Variants in KAT6A observed in about 807,000 individuals in gnomAD.
KAT6A encodes the protein histone acetyltransferase KAT6A.
In KAT6A, 9 loss-of-function variants were observed where a neutral mutation model predicts 198.4. That is an observed-to-expected ratio of 0.05 (90% CI 0.03 to 0.08). The LOEUF (loss-of-function observed/expected upper bound fraction) is 0.08. KAT6A is among the 10% of genes least tolerant of loss of function. KAT6A has a pLI of 1.00. For synonymous variants in KAT6A, 890 were observed against 883.0 expected (o/e 1.01, Z -0.14); for missense variants, 2,077 against 2,509.9 (o/e 0.83, Z 3.69).
chr8:42,050,817 T>C (rs1802578198), intron 1 of KAT6A, among the ~76,000 whole-genome samples: 1 of 152,168 alleles, frequency 6.6e-6, no homozygotes, highest in Non-Finnish European at 1.5e-5. Flanking sequence ...AGTCACTCAT[T>C]GTCTTTCCAG....
In KAT6A at chr8:42,026,077, T is replaced by C. The variant is rs576078952; in HGVS notation, c.600+22301A>G. Among the ~76,000 whole-genome samples the C allele has an allele frequency of 3.3e-4, 51 of 152,322 alleles. No individual in the cohort carries two copies. The South Asian group carries it at 8.5e-3, about 25-fold the overall frequency. On this transcript the variant is annotated intron_variant, in intron 2 of 16. Coordinates refer to ENST00000265713, the MANE Select transcript of KAT6A (RefSeq NM_006766.5). ...GCTCTTGGCACCTTTACTGAAACAG[T>C]TGGCTGTAAATACATGGATTTATTT...
chr8:41,989,249 T>A (rs1385046866), intron 2 of KAT6A, among the ~76,000 whole-genome samples: 2 of 152,048 alleles, frequency 1.3e-5, no homozygotes, highest in African/African-American at 4.8e-5. Flanking sequence ...TGGCTCACGC[T>A]TGTAATCCCA....
intron 6 of KAT6A, 124 bp downstream of exon 6, chr8:41,978,515 CATT>C: frequency 1.1e-6 from 1 of 899,706 alleles, no homozygotes; most frequent in Non-Finnish European, 1.7e-6. Flanking sequence ...AAGTGTTAGC[CATT>C]ATTATTATAT....
chr8:41,953,522 A>T (rs1822770604), intron 9 of KAT6A, among the ~76,000 whole-genome samples: 1 of 152,160 alleles, frequency 6.6e-6, no homozygotes, highest in African/African-American at 2.4e-5. Context: ...TGCCCAGGCG[A>T]GAGTGCAATG....
intron 7 of KAT6A, among the ~76,000 whole-genome samples, chr8:41,975,786 C>T (rs1824022771): frequency 6.6e-6 from 1 of 152,182 alleles, no homozygotes; most frequent in African/African-American, 2.4e-5. Context: ...TATTGGTTCT[C>T]CATATACTTG....
intron 8 of KAT6A, among the ~76,000 whole-genome samples, chr8:41,968,549 CT>C (rs1032070145): frequency 1.3e-5 from 2 of 152,178 alleles, no homozygotes; most frequent in African/African-American, 4.8e-5. Flanking sequence ...AGTTCAACCA[CT>C]GTGGAAGTCA....
At chr8:41,986,231 G>A (rs765164568) in intron 3 of KAT6A, among the ~76,000 whole-genome samples, 19 of 152,170 alleles carry the variant, frequency 1.2e-4, no homozygotes, top group South Asian at 2.1e-4. Context: ...AAGCCACTGC[G>A]CCTGGCCGAT....
intron 7 of KAT6A, 34 bp from the exon 8 acceptor site, chr8:41,974,856 T>C (rs1457108258): frequency 1.5e-6 from 2 of 1,331,042 alleles, no homozygotes; most frequent in African/African-American, 1.5e-5. Context: ...ATGTTAACTG[T>C]CCCCAGATTA....
In KAT6A at chr8:41,931,936, T is replaced by G. The variant is rs1442423869; in HGVS notation, c.*269A>C. On this transcript the variant is annotated 3_prime_UTR_variant, in exon 17 of 17. Transcript: ENST00000265713. ...GCTCTTTTTAATTATGAAAAGATTTTGTGCATGTTTCCCCATCCCCAAATC... is the reference window on the plus strand; with the variant it reads ...GCTCTTTTTAATTATGAAAAGATTTGGTGCATGTTTCCCCATCCCCAAATC... 2 of 304,646 alleles carry G rather than the reference T, an allele frequency of 6.6e-6. No homozygotes were observed. Among genetic ancestry groups the G allele is most frequent in the African/African-American group, 4.2e-5 (2 of 47,136 alleles). The allele number at this position is 304,646 out of a possible 1,614,324, so 18.9% of individuals were successfully genotyped here.
intron 2 of KAT6A, among the ~76,000 whole-genome samples, chr8:41,988,219 T>C (rs1050777605): frequency 2.6e-5 from 4 of 152,098 alleles, no homozygotes; most frequent in African/African-American, 4.8e-5. Context: ...GTAGTATAAG[T>C]AGCATAGACT....
chr8:41,972,345 A>T (rs981262562), intron 8 of KAT6A, among the ~76,000 whole-genome samples: 2 of 152,362 alleles, frequency 1.3e-5, no homozygotes, highest in African/African-American at 4.8e-5. Flanking sequence ...GGTAGATAAA[A>T]GTTTGATGAA....
At chr8:41,948,363 A>T (rs562382010) in intron 10 of KAT6A, among the ~76,000 whole-genome samples, 1 of 152,336 alleles carries the variant, frequency 6.6e-6, no homozygotes, top group African/African-American at 2.4e-5. Flanking sequence ...CAATCTGACT[A>T]CCATGATCGG....
At chr8:41,951,936 T>C (rs952644845) in intron 9 of KAT6A, among the ~76,000 whole-genome samples, 3 of 152,232 alleles carry the variant, frequency 2.0e-5, no homozygotes, top group East Asian at 1.9e-4. Flanking sequence ...TTAATGGTTA[T>C]GGCTATGCAG....
intron 6 of KAT6A, among the ~76,000 whole-genome samples, chr8:41,978,013 A>G (rs1824148733): frequency 6.6e-6 from 1 of 152,214 alleles, no homozygotes; most frequent in South Asian, 2.1e-4. Context: ...TACTACAGAC[A>G]TTTTTAAAAA....
At chr8:41,968,931 A>C (rs1823643216) in intron 8 of KAT6A, among the ~76,000 whole-genome samples, 1 of 152,146 alleles carries the variant, frequency 6.6e-6, no homozygotes. Context: ...AAAACCAATA[A>C]GTGGCTGACT....
At chr8:41,950,078 A>C (rs996743246) in intron 9 of KAT6A, among the ~76,000 whole-genome samples, 1 of 152,132 alleles carries the variant, frequency 6.6e-6, no homozygotes, top group African/African-American at 2.4e-5. Context: ...TATTAGTACA[A>C]CCCTTCCAAA....
At position 42,048,706 on chromosome 8, in the gene KAT6A, A is replaced by G; in HGVS notation, c.272T>C (p.Leu91Ser). ...ALPKPRNHGK[L>S]DNKQNVDWNK... The stretch of plus-strand genomic sequence containing the variant: ...CCAATCCACATTTTGTTTATTATCC[A>G]ATTTTCCATGGTTCCGAGGCTTAGG... Residue 91 changes from leucine (L) to serine (S), a missense_variant, in exon 2 of 17, where the codon TTG becomes TCG. By Grantham distance (145) the Leu-to-Ser change is moderately radical. This residue lies in a region of KAT6A where 185 missense variants were observed against 185.7 expected (regional missense o/e 1.00). Coordinates refer to ENST00000265713, the MANE Select transcript of KAT6A (RefSeq NM_006766.5). 1 of 1,614,062 alleles carries G rather than the reference A, an allele frequency of 6.2e-7. No homozygotes were observed. The highest frequency in any genetic ancestry group is 8.5e-7 in the Non-Finnish European group (1 of 1,179,982).
chr8:41,967,230 G>C (rs1288338112), intron 8 of KAT6A, among the ~76,000 whole-genome samples: 1 of 150,694 alleles, frequency 6.6e-6, no homozygotes, highest in African/African-American at 2.4e-5. Flanking sequence ...TGCTCCACTG[G>C]AATGAACTGA....
chr8:41,965,667 G>A (rs1004101105), intron 8 of KAT6A, among the ~76,000 whole-genome samples: 5 of 152,196 alleles, frequency 3.3e-5, no homozygotes, highest in Admixed American at 1.3e-4. Flanking sequence ...CATGCAAAGT[G>A]AGGAATAGCT....
Sources: allele counts gnomAD v4.1 joint callset (sites outside exome capture counted in the v4.1 genomes callset), GRCh38; gene constraint gnomAD v4.1.1; regional missense constraint gnomAD v4.1.1; transcripts MANE v1.5; gene names NCBI Gene and HGNC (gene_info 2026-07-23, HGNC 2026-07-21).